The following USP47 variants were observed in gnomAD, a reference collection of about 807,000 sequenced individuals.
USP47 encodes ubiquitin specific peptidase 47, also known as ubiquitin carboxyl-terminal hydrolase 47.
In USP47, 35 loss-of-function variants were observed where a neutral mutation model predicts 165.1. The ratio of observed to expected loss-of-function variants is 0.21; its 90% CI spans 0.16 to 0.28. The LOEUF (loss-of-function observed/expected upper bound fraction) is 0.28. USP47 is among the 10% of genes least tolerant of loss of function. The probability of loss-of-function intolerance (pLI) is 1.00; values close to 1 mark genes in which losing one functional copy is unlikely to be tolerated. For synonymous variants in USP47, 531 were observed against 544.5 expected, an observed-to-expected ratio of 0.98 and a Z score of 0.35; for missense variants, 1,277 against 1,607.4, an observed-to-expected ratio of 0.79 and a Z score of 3.52.
intron 8 of USP47, among the ~76,000 whole-genome samples, chr11:11,917,701 A>G (rs1458158538): frequency 6.6e-6 from 1 of 152,158 alleles, no homozygotes; most frequent in Non-Finnish European, 1.5e-5. Flanking sequence ...ATAAATGCAA[A>G]AGTAACTGTA....
In USP47 at chr11:11,905,421, A is replaced by G; in HGVS notation, c.842A>G (p.Tyr281Cys). The change falls in exon 8 of 28, where the codon TAT (tyrosine) becomes TGT (cysteine). Residue 281 changes from tyrosine (Y) to cysteine (C), a missense_variant. Transcript: ENST00000527733. ...TAGGCTGATCTTATAAATGAGCTAT[A>G]TCAAGGCAAGCTGAAGGACTACGTG... is the stretch of plus-strand genomic sequence containing the variant. The part of the protein sequence containing the change: ...TEQADLINEL[Y>C]QGKLKDYVRC... The G allele has an allele frequency of 6.3e-7, 1 of 1,596,060 alleles. No individual in the cohort carries two copies.
intron 4 of USP47, among the ~76,000 whole-genome samples, chr11:11,892,578 A>G (rs1851599948): frequency 6.6e-6 from 1 of 151,274 alleles, no homozygotes; most frequent in African/African-American, 2.4e-5. Flanking sequence ...GGGAAGGCCA[A>G]GGCAGGAAGA....
intron 5 of USP47, among the ~76,000 whole-genome samples, chr11:11,900,080 C>T (rs1852104183): frequency 6.6e-6 from 1 of 151,540 alleles, no homozygotes; most frequent in Admixed American, 6.6e-5. Flanking sequence ...CAGAGAGTAG[C>T]CCTAGCATAA....
At position 11,875,818 on chromosome 11, in the gene USP47, G is replaced by A. The variant is rs546694024; in HGVS notation, c.40-4359G>A. Reference sequence around the variant, plus strand: ...GGGTTTTGCCCTGTTGGCCAGGTTGGTCTGGAACTCCTCACCTGAAGTGAT... The same window carrying A: ...GGGTTTTGCCCTGTTGGCCAGGTTGATCTGGAACTCCTCACCTGAAGTGAT... On this transcript the variant is annotated intron_variant, in intron 1 of 27. Coordinates refer to ENST00000527733, the MANE Select transcript of USP47 (RefSeq NM_001282659.2). Among the ~76,000 whole-genome samples, 4 of 152,318 alleles carry A rather than the reference G, an allele frequency of 2.6e-5. No homozygotes were observed. The South Asian group carries it at 8.3e-4, about 32-fold the overall frequency.
At chr11:11,946,514 C>T (rs1435045765) in intron 20 of USP47, among the ~76,000 whole-genome samples, 3 of 152,160 alleles carry the variant, frequency 2.0e-5, no homozygotes, top group Admixed American at 6.5e-5. Context: ...GTTATGATCA[C>T]GTGGGAAAAC....
At chr11:11,919,034 C>T (rs1287315277) in intron 8 of USP47, among the ~76,000 whole-genome samples, 2 of 94,302 alleles carry the variant, frequency 2.1e-5, no homozygotes, top group Non-Finnish European at 4.1e-5. Flanking sequence ...GGAAAAAAAC[C>T]CAGCCGTTTG....
chr11:11,909,831 A>G (rs937734177), intron 8 of USP47, among the ~76,000 whole-genome samples: 1 of 152,260 alleles, frequency 6.6e-6, no homozygotes, highest in African/African-American at 2.4e-5. Flanking sequence ...TAAAGTTTTG[A>G]ATGGAAAATT....
At chr11:11,935,115 G>A (rs1365599547) in intron 16 of USP47, among the ~76,000 whole-genome samples, 2 of 152,098 alleles carry the variant, frequency 1.3e-5, no homozygotes. Flanking sequence ...CTTAGGCATA[G>A]TCAAGTTTGA....
intron 1 of USP47, among the ~76,000 whole-genome samples, chr11:11,855,843 G>T (rs918844297): frequency 3.9e-5 from 6 of 152,214 alleles, no homozygotes; most frequent in African/African-American, 1.4e-4. Flanking sequence ...ACTACAGAGA[G>T]ATTCAAAGAT....
intron 20 of USP47, among the ~76,000 whole-genome samples, chr11:11,947,302 TTCTGATCCATTTAAA>T (rs1855906836): frequency 6.6e-6 from 1 of 152,182 alleles, no homozygotes; most frequent in Admixed American, 6.6e-5. Context: ...AGGTAAGAGT[TTCTGATCCATTTAAA>T]TACAGTTCCT....
At chr11:11,946,489 A>G (rs1041679880) in intron 20 of USP47, among the ~76,000 whole-genome samples, 4 of 152,244 alleles carry the variant, frequency 2.6e-5, no homozygotes, top group Admixed American at 6.5e-5. Context: ...TACATTTGTC[A>G]CAACAATGTT....
At chr11:11,847,565 C>T (rs373332775) in intron 1 of USP47, among the ~76,000 whole-genome samples, 9 of 152,130 alleles carry the variant, frequency 5.9e-5, no homozygotes, top group Admixed American at 2.6e-4. Context: ...TTAGTGTTAT[C>T]GCCATCTATT....
Position 11,877,805 on chromosome 11 carries a change from C to CTGTG in USP47, c.40-2321_40-2318dup, listed in dbSNP as rs10577564. ...TCTCTCTCTTTCTCTCTCTCTCTCT[C>CTGTG]TGTGTGTGTGTGTGTGTGTGTGTGT... On this transcript the variant is annotated intron_variant, in intron 1 of 27. Transcript: ENST00000527733. Among the ~76,000 whole-genome samples, 3 of 71,158 alleles carry CTGTG rather than the reference C, an allele frequency of 4.2e-5. 1 individual carries two copies. The highest frequency in any genetic ancestry group is 1.1e-3 in the South Asian group (2 of 1,778). The allele number at this position is 71,158 out of a possible 152,430, so 46.7% of individuals were successfully genotyped here.
intron 19 of USP47, among the ~76,000 whole-genome samples, chr11:11,940,904 T>C (rs372757119): frequency 6.6e-6 from 1 of 151,890 alleles, no homozygotes; most frequent in Non-Finnish European, 1.5e-5. Flanking sequence ...CCCTGGATTG[T>C]GTTTATTCTT....
chr11:11,912,649 AG>A (rs1464015566), intron 8 of USP47, among the ~76,000 whole-genome samples: 1 of 152,104 alleles, frequency 6.6e-6, no homozygotes. Flanking sequence ...TCAAAAAAAA[AG>A]AAAGGAAGAG....
At chr11:11,877,805 CTGTGTGTGTGTGTGTGTGTGTG>C (rs10577564) in intron 1 of USP47, among the ~76,000 whole-genome samples, 75 of 71,158 alleles carry the variant, frequency 1.1e-3, no homozygotes, top group South Asian at 9.6e-3. Context: ...CTCTCTCTCT[CTGTGTGTGTGTGTGTGTGTGTG>C]TGTGTGTGTG....
chr11:11,886,426 T>A (rs1012501034), intron 3 of USP47, among the ~76,000 whole-genome samples: 1 of 152,086 alleles, frequency 6.6e-6, no homozygotes, highest in Non-Finnish European at 1.5e-5. Flanking sequence ...AAAAATACAC[T>A]ACAAGAACTT....
rs527633923 is a variant in USP47 at position 11,892,196 on chromosome 11, T to C, written c.496+90T>C. On this transcript the variant is annotated intron_variant, in intron 4 of 27. Coordinates refer to ENST00000527733, the MANE Select transcript of USP47 (RefSeq NM_001282659.2). Reference sequence around the variant, plus strand: ...AAGCCTAATCCTCTTATTTTATGGATAAGAAAACTGAGACCTAGAGCAGGA... The same window carrying C: ...AAGCCTAATCCTCTTATTTTATGGACAAGAAAACTGAGACCTAGAGCAGGA... The C allele has an allele frequency of 2.8e-4, 400 of 1,403,566 alleles. 3 individuals carry two copies. The South Asian group carries it at 5.4e-3, about 19-fold the overall frequency. The allele number at this position is 1,403,566 out of a possible 1,614,324, so 86.9% of individuals were successfully genotyped here. A position where few individuals can be genotyped will look rare whatever the true frequency, so the allele number is the denominator to read the frequency against.
intron 4 of USP47, among the ~76,000 whole-genome samples, chr11:11,894,025 A>G (rs1851701469): frequency 6.6e-6 from 1 of 152,184 alleles, no homozygotes; most frequent in African/African-American, 2.4e-5. Context: ...GTAGCAAACA[A>G]CCACAATAAA....
Sources: allele counts gnomAD v4.1 joint callset (sites outside exome capture counted in the v4.1 genomes callset), GRCh38; gene constraint gnomAD v4.1.1; transcripts MANE v1.5; gene names NCBI Gene and HGNC (gene_info 2026-07-23, HGNC 2026-07-21).